Variants in RBM44 observed in about 807,000 individuals in gnomAD.
RBM44 encodes the protein RNA-binding protein 44.
A neutral mutation model predicts 105.1 loss-of-function variants in RBM44; 66 were observed. That is an observed-to-expected ratio of 0.63 (90% CI 0.52 to 0.77). The LOEUF is 0.77. Ranked by LOEUF, RBM44 falls within the 30% of genes least tolerant of loss-of-function variation. RBM44 has a pLI of 0.00. For missense variants in RBM44, 1,122 were observed against 1,207.8 expected (o/e 0.93, Z 1.05); for synonymous variants, 365 against 417.6 (o/e 0.87, Z 1.54).
Position 237,823,562 on chromosome 2 carries a change from T to C in RBM44, c.2320+8T>C. 1 of 1,224,498 alleles carries C rather than the reference T, an allele frequency of 8.2e-7. No homozygotes were observed. The highest frequency in any genetic ancestry group is 1.3e-5 in the South Asian group (1 of 76,758). 75.9% of individuals were successfully genotyped at this position (1,224,498 alleles called of 1,614,324 possible). A position where few individuals can be genotyped will look rare whatever the true frequency, so the allele number is the denominator to read the frequency against. ...TGAAACTTGGTGATAAAGGTTAGTA[T>C]AAAAATGTGTTATCTTGTATAGTTG... On this transcript the variant is annotated splice_region_variant and intron_variant, in intron 9 of 15. Transcript: ENST00000316997.
chr2:237,833,529 T>C (rs1259218640), intron 13 of RBM44, among the ~76,000 whole-genome samples: 2 of 152,230 alleles, frequency 1.3e-5, no homozygotes, highest in African/African-American at 4.8e-5. Flanking sequence ...ATATAGTAAA[T>C]ACAATGTAAA....
At position 237,827,142 on chromosome 2, in the gene RBM44, A is replaced by C. The variant is rs1384397171; in HGVS notation, c.2450-108A>C. 26 of 655,076 alleles carry C rather than the reference A, an allele frequency of 4.0e-5. No individual in the cohort carries two copies. In the East Asian group the frequency reaches 7.2e-4, roughly 18 times the overall value. 40.6% of individuals were successfully genotyped at this position (655,076 alleles called of 1,614,324 possible). A position where few individuals can be genotyped will look rare whatever the true frequency, so the allele number is the denominator to read the frequency against. ...ATAGTTGCTGATAACTTTATAATAA[A>C]CTCTGGGTTAGTAGAAAGGAAACAA... On this transcript the variant is annotated intron_variant, in intron 10 of 15. Transcript: ENST00000316997.
intron 1 of RBM44, among the ~76,000 whole-genome samples, chr2:237,799,706 C>A (rs2150963367): frequency 6.6e-6 from 1 of 152,302 alleles, no homozygotes; most frequent in Non-Finnish European, 1.5e-5. Flanking sequence ...TTTTACAGGA[C>A]TTATTCAGAT....
chr2:237,824,890 C>G (rs1382205568), intron 10 of RBM44, among the ~76,000 whole-genome samples: 1 of 152,074 alleles, frequency 6.6e-6, no homozygotes, highest in Non-Finnish European at 1.5e-5. Flanking sequence ...ATAATTTTCT[C>G]TAGTACCTGT....
In RBM44 at chr2:237,841,076, C is replaced by T. The variant is rs1299727420; in HGVS notation, c.*23-763C>T. Among the ~76,000 whole-genome samples the T allele has an allele frequency of 6.6e-6, 1 of 152,196 alleles. No individual in the cohort carries two copies. The highest frequency in any genetic ancestry group is 6.5e-5 in the Admixed American group (1 of 15,272). ...CAGCAATCCCATTGTTGAGTATATG[C>T]CCAAAGGAATGTAAATCATTGTACC... On this transcript the variant is annotated intron_variant, in intron 15 of 15. Transcript: ENST00000316997. This position sits in a 1 kb window ranked among gnomAD's most constrained non-coding sequence, Gnocchi z 4.5.
chr2:237,835,548 CAAAGT>C (rs1303869409), intron 15 of RBM44, among the ~76,000 whole-genome samples: 2 of 152,126 alleles, frequency 1.3e-5, no homozygotes, highest in African/African-American at 4.8e-5. Context: ...AGAATGATAA[CAAAGT>C]GAAACAACCT....
At chr2:237,815,956 G>GT (rs2061710503) in intron 2 of RBM44, among the ~76,000 whole-genome samples, 2 of 152,036 alleles carry the variant, frequency 1.3e-5, no homozygotes. Context: ...GTTTTCAGTG[G>GT]TTTTTGGTTG....
intron 13 of RBM44, among the ~76,000 whole-genome samples, chr2:237,830,996 G>A (rs887906039): frequency 6.6e-6 from 1 of 151,376 alleles, no homozygotes; most frequent in Non-Finnish European, 1.5e-5. Flanking sequence ...ATAAATACTT[G>A]TTGAATAAAT....
chr2:237,816,681 G>C (rs889549649), intron 2 of RBM44, among the ~76,000 whole-genome samples: 5 of 152,136 alleles, frequency 3.3e-5, no homozygotes, highest in Admixed American at 6.6e-5. Flanking sequence ...CATGAGAGAA[G>C]GGGGAGGCAA....
intron 1 of RBM44, among the ~76,000 whole-genome samples, chr2:237,800,028 G>C (rs2061529671): frequency 6.6e-6 from 1 of 152,298 alleles, no homozygotes; most frequent in South Asian, 2.1e-4. Context: ...TCATGTGGTT[G>C]TCTTGTGTTT....
chr2:237,807,459 A>G (rs2150969293), intron 1 of RBM44, among the ~76,000 whole-genome samples: 1 of 152,354 alleles, frequency 6.6e-6, no homozygotes, highest in African/African-American at 2.4e-5. Context: ...CTGGAAAAAT[A>G]TTTTTTAAAA....
intron 1 of RBM44, among the ~76,000 whole-genome samples, chr2:237,811,993 T>C (rs2061664038): frequency 1.3e-5 from 2 of 152,190 alleles, no homozygotes; most frequent in Admixed American, 1.3e-4. Context: ...TAGTTGGGAC[T>C]ACAGGCACAT....
rs1197318048 is a variant in RBM44 at position 237,817,826 on chromosome 2, T to C, written c.907T>C (p.Ser303Pro). 1 of 1,612,156 alleles carries C rather than the reference T, an allele frequency of 6.2e-7. No homozygotes were observed. The highest frequency in any genetic ancestry group is 8.5e-7 in the Non-Finnish European group (1 of 1,179,220). ...TGATGGCAGTGTACTAAGAAGCAATTCTCCAGGAAACCAGGAATCTCAATC... is the reference window on the plus strand; with the variant it reads ...TGATGGCAGTGTACTAAGAAGCAATCCTCCAGGAAACCAGGAATCTCAATC... ...VFDGSVLRSN[S>P]PGNQESQSKS... The change falls in exon 3 of 16, where the codon TCT becomes CCT. Residue 303 changes from serine to proline, a missense_variant. Physicochemically the swap from Ser to Pro is moderately conservative, Grantham distance 74. Transcript: ENST00000316997.
Position 237,842,264 on chromosome 2 carries a change from A to C in RBM44, c.*448A>C, listed in dbSNP as rs2062019054. ...TAATTTACCTGAACTTTGTCTTAAGACTCTTACATTGGATTATAGGATAAC... is the reference window on the plus strand; with the variant it reads ...TAATTTACCTGAACTTTGTCTTAAGCCTCTTACATTGGATTATAGGATAAC... On this transcript the variant is annotated 3_prime_UTR_variant, in exon 16 of 16. Transcript: ENST00000316997. The C allele has an allele frequency of 6.6e-6, 1 of 152,096 alleles. No individual in the cohort carries two copies. The highest frequency in any genetic ancestry group is 2.4e-5 in the African/African-American group (1 of 41,434). 9.4% of individuals were successfully genotyped at this position (152,096 alleles called of 1,614,324 possible).
In RBM44 at chr2:237,820,165, A is replaced by G. The variant is rs756992589; in HGVS notation, c.1737-10A>G. 1.2e-5 allele frequency: 17 copies of G among 1,471,356 alleles called. No homozygotes were observed. Among genetic ancestry groups the G allele is most frequent in the South Asian group, 1.3e-5 (1 of 75,106 alleles). The allele number at this position is 1,471,356 out of a possible 1,614,324, so 91.1% of individuals were successfully genotyped here. Reference sequence around the variant, plus strand: ...GGAATCTTACCTGATCCTATCTTTTATTTTTAAAGGGAATTTCAACTTTTT... The same window carrying G: ...GGAATCTTACCTGATCCTATCTTTTGTTTTTAAAGGGAATTTCAACTTTTT... On this transcript the variant is annotated splice_polypyrimidine_tract_variant and intron_variant, in intron 4 of 15. Coordinates refer to ENST00000316997, the MANE Select transcript of RBM44 (RefSeq NM_001080504.3).
At position 237,817,967 on chromosome 2, in the gene RBM44, A is replaced by C. The variant is rs757661700; in HGVS notation, c.1048A>C (p.Lys350Gln). 5 of 1,609,728 alleles carry C rather than the reference A, an allele frequency of 3.1e-6. No individual in the cohort carries two copies. Among genetic ancestry groups the C allele is most frequent in the Non-Finnish European group, 4.2e-6 (5 of 1,178,568 alleles). The change falls in exon 3 of 16, where the codon AAA (lysine) becomes CAA (glutamine). Residue 350 changes from lysine (K) to glutamine (Q), a missense_variant. Coordinates refer to ENST00000316997, the MANE Select transcript of RBM44 (RefSeq NM_001080504.3). ...DFCGNKIVEN[K>Q]ILLHLENPST... ...TTGTGGAAATAAAATTGTTGAGAAC[A>C]AAATATTACTGCACCTTGAAAATCC... is the stretch of plus-strand genomic sequence containing the variant.
At chr2:237,799,570 T>C (rs2061525191) in intron 1 of RBM44, among the ~76,000 whole-genome samples, 1 of 151,840 alleles carries the variant, frequency 6.6e-6, no homozygotes, top group Non-Finnish European at 1.5e-5. Context: ...CCTTCCAGAG[T>C]GCTGGGATTA....
At chr2:237,839,298 CG>C (rs1477201747) in intron 15 of RBM44, among the ~76,000 whole-genome samples, 3 of 151,970 alleles carry the variant, frequency 2.0e-5, no homozygotes, top group African/African-American at 7.3e-5. Flanking sequence ...TGTTTTGAGA[CG>C]GAGTCACTCA....
chr2:237,836,197 G>A (rs2061957883), intron 15 of RBM44, among the ~76,000 whole-genome samples: 1 of 152,178 alleles, frequency 6.6e-6, no homozygotes, highest in African/African-American at 2.4e-5. Context: ...TTACCGTTCT[G>A]AAAATTCAAG....
Sources: gnomAD v4.1 joint callset for allele counts (sites outside exome capture counted in the v4.1 genomes callset) on GRCh38, gnomAD v4.1.1 for gene constraint, Gnocchi (gnomAD v3.1) non-coding constraint, MANE v1.5 for transcripts, NCBI Gene and HGNC (gene_info 2026-07-23, HGNC 2026-07-21) for gene names.